The following CROCC2 variants were observed in gnomAD, a reference collection of about 807,000 sequenced individuals.
CROCC2 encodes ciliary rootlet coiled-coil, rootletin family member 2.
In CROCC2, 163 loss-of-function variants were observed where a neutral mutation model predicts 177.6. The ratio of observed to expected loss-of-function variants is 0.92; its 90% confidence interval spans 0.81 to 1.05. The LOEUF (loss-of-function observed/expected upper bound fraction) is 1.05, where lower values mean the gene tolerates loss of function less well. Among genes scored for constraint, CROCC2 ranks in the 50% least tolerant of loss-of-function variants. CROCC2 has a pLI of 0.00. For missense variants in CROCC2, 1,929 were observed against 1,797.8 expected, an observed-to-expected ratio of 1.07 and a Z score of -1.32; for synonymous variants, 904 against 787.3, an observed-to-expected ratio of 1.15 and a Z score of -2.48.
intron 20 of CROCC2, among the ~76,000 whole-genome samples, chr2:240,962,212 A>G (rs911189950): frequency 6.6e-6 from 1 of 151,744 alleles, no homozygotes; most frequent in Non-Finnish European, 1.5e-5. Flanking sequence ...GCAAAGAAAT[A>G]ATTATTATAA....
chr2:240,990,857 A>G (rs1444939346), intron 30 of CROCC2, among the ~76,000 whole-genome samples: 1 of 151,678 alleles, frequency 6.6e-6, no homozygotes, highest in Non-Finnish European at 1.5e-5. Flanking sequence ...GGCCACCCAA[A>G]GTGCTGGGAT....
chr2:240,922,414 C>G, intron 3 of CROCC2, 125 bp from the exon 4 acceptor site: 1 of 573,558 alleles, frequency 1.7e-6, no homozygotes, highest in Non-Finnish European at 3.2e-6. Flanking sequence ...AACCCCAGCC[C>G]CTGCTGTGGG....
chr2:240,981,428 C>G (rs13414999), intron 27 of CROCC2: 30,403 of 152,250 alleles, frequency 0.2, 3,501 homozygotes, highest in East Asian at 0.38. Context: ...GCCTCTCACA[C>G]AGCATCAGGA....
chr2:240,915,747 G>A (rs1032527898), intron 1 of CROCC2, among the ~76,000 whole-genome samples: 27 of 152,254 alleles, frequency 1.8e-4, no homozygotes, highest in African/African-American at 6.0e-4. Context: ...CCAGGATCGG[G>A]TTGAGTGGGC....
rs771557389 is a variant in CROCC2, at chr2:240,953,539, C to T, written c.2830-2320C>T. 1.6e-4 allele frequency among the ~76,000 whole-genome samples: 24 copies of T among 152,170 alleles called. No homozygotes were observed. The highest frequency in any genetic ancestry group is 2.6e-4 in the Admixed American group (4 of 15,284). ...GGGCACCCCAGGGGCACAGCACAGACGGGCTGGCCTGTGGGGAGCCCTTGC... is the reference window on the plus strand; with the variant it reads ...GGGCACCCCAGGGGCACAGCACAGATGGGCTGGCCTGTGGGGAGCCCTTGC... On this transcript the variant is annotated intron_variant, in intron 18 of 31. Transcript: ENST00000690015. This position sits in a 1 kb window ranked among gnomAD's most constrained non-coding sequence, Gnocchi z 4.0.
rs2059658549 is a variant in CROCC2, at chr2:240,963,744, C to T, written c.3276C>T (p.Thr1092=). 1 of 1,550,046 alleles carries T rather than the reference C, an allele frequency of 6.5e-7. No homozygotes were observed. Among genetic ancestry groups the T allele is most frequent in the Non-Finnish European group, 8.7e-7 (1 of 1,146,722 alleles). Residue 1092 remains threonine (T), a synonymous_variant, in exon 21 of 32, where the codon ACC becomes ACT. Transcript: ENST00000690015. ...TTTTCAACAGCGAGCTGCGGGCCAC[C>T]ATCTGCAGGGCCGAACAGGAGAAGG... ...LLLFNSELRA[T]ICRAEQEKAS... is the part of the protein sequence containing the mutation.
intron 18 of CROCC2, among the ~76,000 whole-genome samples, chr2:240,952,008 G>A (rs1481728574): frequency 4.6e-5 from 7 of 152,148 alleles, no homozygotes; most frequent in South Asian, 2.1e-4. Flanking sequence ...ACATGAACAC[G>A]TCCACATTGT....
At position 240,964,644 on chromosome 2, in the gene CROCC2, G is replaced by T. The variant is rs940827109; in HGVS notation, c.3465+19G>T. 4 of 1,545,010 alleles carry T rather than the reference G, an allele frequency of 2.6e-6. No individual in the cohort carries two copies. Among genetic ancestry groups the T allele is most frequent in the Non-Finnish European group, 3.5e-6 (4 of 1,143,632 alleles). ...CAGACAGGTAGGGCGGCAGGGAGGG[G>T]TCAACATCCAACCAGGCACCCTCCC... On this transcript the variant is annotated intron_variant, in intron 22 of 31. Coordinates refer to ENST00000690015, the MANE Select transcript of CROCC2 (RefSeq NM_001351305.2).
chr2:240,939,434 T>C (rs954202479), intron 14 of CROCC2, among the ~76,000 whole-genome samples: 2 of 152,132 alleles, frequency 1.3e-5, no homozygotes, highest in African/African-American at 4.8e-5. Flanking sequence ...TCTATATTTG[T>C]GAGTAATATT....
chr2:240,942,415 C>T (rs2059500333), intron 14 of CROCC2, among the ~76,000 whole-genome samples: 1 of 152,114 alleles, frequency 6.6e-6, no homozygotes, highest in African/African-American at 2.4e-5. Flanking sequence ...TCTGATAACT[C>T]TAACATCTGG....
chr2:240,919,599 G>A (rs2059344771), intron 2 of CROCC2, among the ~76,000 whole-genome samples: 1 of 152,128 alleles, frequency 6.6e-6, no homozygotes. Flanking sequence ...ATTTACAAAA[G>A]CACCTTATTA....
At chr2:240,968,724 G>A (rs2059701950) in intron 27 of CROCC2, among the ~76,000 whole-genome samples, 1 of 152,244 alleles carries the variant, frequency 6.6e-6, no homozygotes, top group African/African-American at 2.4e-5. Context: ...GACACAGAAG[G>A]GGCCTCTCAG....
chr2:240,929,127 TGGG>T (rs1559593579), intron 5 of CROCC2, among the ~76,000 whole-genome samples: 1 of 152,068 alleles, frequency 6.6e-6, no homozygotes, highest in Non-Finnish European at 1.5e-5. Flanking sequence ...TGGGCTCAGC[TGGG>T]GGGAATCTCA....
intron 27 of CROCC2, among the ~76,000 whole-genome samples, chr2:240,974,773 C>G (rs923336337): frequency 6.6e-6 from 1 of 152,102 alleles, no homozygotes; most frequent in Admixed American, 6.6e-5. Flanking sequence ...AATGTGATCC[C>G]ATTTTCCCTA....
In CROCC2 at chr2:240,959,283, G is replaced by A; in HGVS notation, c.2944-18G>A. 1 of 1,549,244 alleles carries A rather than the reference G, an allele frequency of 6.5e-7. No individual in the cohort carries two copies. On this transcript the variant is annotated intron_variant, in intron 19 of 31. Coordinates refer to ENST00000690015, the MANE Select transcript of CROCC2 (RefSeq NM_001351305.2). ...GCCCAGCTCCCTGGTGCCACCGTGG[G>A]CTCCCTTCTCCCCGCAGGCCACCAT...
At position 240,953,516 on chromosome 2, in the gene CROCC2, G is replaced by A. The variant is rs989518891; in HGVS notation, c.2830-2343G>A. 6.6e-6 allele frequency among the ~76,000 whole-genome samples: 1 copy of A among 152,136 alleles called. No homozygotes were observed. The highest frequency in any genetic ancestry group is 2.4e-5 in the African/African-American group (1 of 41,450). ...ACCCACAGCAGAACCACAATAAGGGGCACCCCAGGGGCACAGCACAGACGG... is the reference window on the plus strand; with the variant it reads ...ACCCACAGCAGAACCACAATAAGGGACACCCCAGGGGCACAGCACAGACGG... On this transcript the variant is annotated intron_variant, in intron 18 of 31. Transcript: ENST00000690015. This position sits in a 1 kb window ranked among gnomAD's most constrained non-coding sequence, Gnocchi z 4.0.
Position 240,966,282 on chromosome 2 carries a change from C to T in CROCC2, c.4019C>T (p.Pro1340Leu), listed in dbSNP as rs897479676. ...GQQGTSPPARPHSPLRWPSPT... is the reference protein window; with the variant it reads ...GQQGTSPPARLHSPLRWPSPT... Reference sequence around the variant, plus strand: ...CAGGGTACCAGCCCCCCAGCCAGGCCCCACTCGCCCCTCCGATGGCCCTCG... The same window carrying T: ...CAGGGTACCAGCCCCCCAGCCAGGCTCCACTCGCCCCTCCGATGGCCCTCG... Residue 1340 changes from proline (P) to leucine (L), a missense_variant, in exon 25 of 32, where the codon CCC becomes CTC. By Grantham distance (98) the Pro-to-Leu change is moderately conservative. This residue lies in a region of CROCC2 where 388 missense variants were observed against 352.7 expected (regional missense o/e 1.10). Transcript: ENST00000690015. The T allele has an allele frequency of 1.9e-5, 9 of 486,082 alleles. No individual in the cohort carries two copies. The highest frequency in any genetic ancestry group is 1.4e-4 in the African/African-American group (7 of 50,084). The allele number at this position is 486,082 out of a possible 1,614,324, so 30.1% of individuals were successfully genotyped here. A position where few individuals can be genotyped will look rare whatever the true frequency, so the allele number is the denominator to read the frequency against.
intron 28 of CROCC2, chr2:240,983,231 G>C (rs898742538): frequency 1.2e-6 from 1 of 866,416 alleles, no homozygotes; most frequent in Non-Finnish European, 1.7e-6. Flanking sequence ...ACTGAGCCTG[G>C]AGGGGCCCAC....
chr2:240,955,939 G>T lies in CROCC2; in HGVS notation c.2910G>T (p.Gln970His). The T allele has an allele frequency of 2.0e-6, 3 of 1,534,776 alleles. No individual in the cohort carries two copies. The highest frequency in any genetic ancestry group is 2.6e-6 in the Non-Finnish European group (3 of 1,146,906). Residue 970 changes from glutamine to histidine, a missense_variant, in exon 19 of 32, where the codon CAG (glutamine) becomes CAT (histidine). By Grantham distance (24) the Gln-to-His change is conservative. Coordinates refer to ENST00000690015, the MANE Select transcript of CROCC2 (RefSeq NM_001351305.2). ...SRARRTLERV[Q>H]QEAQSQQEQA... ...CCAGGAGGACGCTAGAGCGGGTACA[G>T]CAGGAGGCACAGAGCCAGCAGGAGC...
Sources: gnomAD v4.1 joint callset for allele counts (sites outside exome capture counted in the v4.1 genomes callset) on GRCh38, gnomAD v4.1.1 for gene constraint, gnomAD v4.1.1 regional missense constraint, Gnocchi (gnomAD v3.1) non-coding constraint, MANE v1.5 for transcripts, NCBI Gene and HGNC (gene_info 2026-07-23, HGNC 2026-07-21) for gene names.